Variants in CACNA2D1 observed in about 807,000 individuals in gnomAD.
CACNA2D1 encodes voltage-dependent calcium channel subunit alpha-2/delta-1.
A neutral mutation model predicts 171.5 loss-of-function variants in CACNA2D1; 53 were observed. That is an observed-to-expected ratio of 0.31 (90% CI 0.25 to 0.39). The LOEUF is 0.39. Ranked by LOEUF, CACNA2D1 falls within the 10% of genes least tolerant of loss-of-function variation. The pLI is 1.00. For missense variants in CACNA2D1, 903 were observed against 1,299.8 expected (o/e 0.69, Z 4.69); for synonymous variants, 442 against 443.1 (o/e 1.00, Z 0.03).
chr7:81,970,830 G>T, intron 26 of CACNA2D1, 93 bp from the exon 27 acceptor site: 1 of 779,656 alleles, frequency 1.3e-6, no homozygotes. Context: ...GTAAGTTTAG[G>T]AAGTAAAGGA....
intron 3 of CACNA2D1, among the ~76,000 whole-genome samples, chr7:82,325,455 G>T (rs2129441808): frequency 6.6e-6 from 1 of 150,842 alleles, no homozygotes; most frequent in Non-Finnish European, 1.5e-5. Flanking sequence ...GCCCAGTAGA[G>T]CATTAATATG....
At chr7:82,205,298 T>C (rs906887437) in intron 3 of CACNA2D1, among the ~76,000 whole-genome samples, 4 of 152,176 alleles carry the variant, frequency 2.6e-5, no homozygotes, top group African/African-American at 9.7e-5. Context: ...AATCATATAT[T>C]TGCAATGTGT....
chr7:82,342,497 A>C (rs1013539086), intron 2 of CACNA2D1, among the ~76,000 whole-genome samples: 5 of 152,184 alleles, frequency 3.3e-5, no homozygotes, highest in African/African-American at 9.7e-5. Flanking sequence ...TTTATTTTAA[A>C]CCTAAAAAAA....
At chr7:82,168,560 T>G (rs1338189556) in intron 4 of CACNA2D1, among the ~76,000 whole-genome samples, 1 of 152,124 alleles carries the variant, frequency 6.6e-6, no homozygotes, top group African/African-American at 2.4e-5. Flanking sequence ...GTTTTTGTAT[T>G]GTGTTTGTGT....
chr7:82,132,534 A>T (rs558697908), intron 5 of CACNA2D1, among the ~76,000 whole-genome samples: 1 of 152,302 alleles, frequency 6.6e-6, no homozygotes, highest in Admixed American at 6.5e-5. Context: ...GGCAAAGGGC[A>T]TGTCTCCCAT....
At chr7:82,308,265 T>TGGA (rs1813981300) in intron 3 of CACNA2D1, among the ~76,000 whole-genome samples, 1 of 152,250 alleles carries the variant, frequency 6.6e-6, no homozygotes, top group East Asian at 1.9e-4. Context: ...CCATATTTCT[T>TGGA]CCATTGGGTC....
chr7:82,096,023 T>G (rs1035674002), intron 6 of CACNA2D1, among the ~76,000 whole-genome samples: 5 of 152,220 alleles, frequency 3.3e-5, no homozygotes, highest in Admixed American at 6.5e-5. Context: ...TATTTCCCAA[T>G]GTATGTGCTT....
intron 6 of CACNA2D1, among the ~76,000 whole-genome samples, chr7:82,098,246 G>A (rs1175198842): frequency 6.6e-5 from 10 of 152,182 alleles, no homozygotes; most frequent in Non-Finnish European, 2.9e-5. Flanking sequence ...ATTAAAAAGT[G>A]ATCAGTGACT....
chr7:82,039,459 G>C (rs1412152992), intron 10 of CACNA2D1, among the ~76,000 whole-genome samples: 2 of 152,078 alleles, frequency 1.3e-5, no homozygotes, highest in African/African-American at 4.8e-5. Flanking sequence ...ACTATGTGCT[G>C]CATTTACTAC....
chr7:82,130,819 C>G (rs1290278767), intron 5 of CACNA2D1, among the ~76,000 whole-genome samples: 4 of 115,656 alleles, frequency 3.5e-5, no homozygotes, highest in African/African-American at 1.4e-4. Flanking sequence ...TTTTTTGAGA[C>G]AGAGTCTCGC....
intron 1 of CACNA2D1, among the ~76,000 whole-genome samples, chr7:82,370,576 T>TGGATGGATGGACGGAC (rs1822289353): frequency 6.6e-6 from 1 of 151,778 alleles, no homozygotes; most frequent in African/African-American, 2.4e-5. Flanking sequence ...GATGGATGGA[T>TGGATGGATGGACGGAC]GGATAGAAAT....
chr7:82,328,052 C>T (rs994275498), intron 3 of CACNA2D1, among the ~76,000 whole-genome samples: 7 of 152,132 alleles, frequency 4.6e-5, no homozygotes, highest in African/African-American at 1.7e-4. Flanking sequence ...GTTTGTGCCC[C>T]TTGATGCCGT....
chr7:81,985,385 G>C (rs542536328), intron 21 of CACNA2D1, among the ~76,000 whole-genome samples: 32 of 151,840 alleles, frequency 2.1e-4, no homozygotes, highest in Non-Finnish European at 3.7e-4. Context: ...TATTTTAGTA[G>C]AGACAGGGTT....
intron 6 of CACNA2D1, among the ~76,000 whole-genome samples, chr7:82,109,082 G>C (rs1203024193): frequency 6.6e-6 from 1 of 151,642 alleles, no homozygotes; most frequent in African/African-American, 2.4e-5. Context: ...CTCTTTAAAA[G>C]AAAAAAGGAA....
At chr7:82,066,287 G>A (rs542455684) in intron 8 of CACNA2D1, among the ~76,000 whole-genome samples, 168 bp downstream of exon 8, 11 of 152,020 alleles carry the variant, frequency 7.2e-5, no homozygotes, top group African/African-American at 2.7e-4. Flanking sequence ...TTACCCACTT[G>A]AACTCATCAT....
At chr7:82,332,532 AAGAAAGAAAGAAAG>A (rs1817463571) in intron 3 of CACNA2D1, among the ~76,000 whole-genome samples, 1 of 67,210 alleles carries the variant, frequency 1.5e-5, no homozygotes, top group African/African-American at 4.2e-5. Flanking sequence ...GAAAGAAAGA[AAGAAAGAAAGAAAG>A]AAAGAAAGAA....
At chr7:82,323,780 A>T (rs1816291929) in intron 3 of CACNA2D1, among the ~76,000 whole-genome samples, 1 of 152,196 alleles carries the variant, frequency 6.6e-6, no homozygotes. Context: ...TTTACATTAG[A>T]TAGTGCTTTC....
At chr7:82,330,964 T>C (rs1039054251) in intron 3 of CACNA2D1, among the ~76,000 whole-genome samples, 14 of 152,120 alleles carry the variant, frequency 9.2e-5, no homozygotes, top group Non-Finnish European at 5.9e-5. Flanking sequence ...CATTACCTTA[T>C]GCTTGGTGGC....
At chr7:82,146,402 A>G (rs1316397525) in intron 4 of CACNA2D1, among the ~76,000 whole-genome samples, 1 of 145,794 alleles carries the variant, frequency 6.9e-6, no homozygotes, top group Non-Finnish European at 1.5e-5. Flanking sequence ...ATATAAAGAT[A>G]TATATTTATA....
Sources: allele counts gnomAD v4.1 joint callset (sites outside exome capture counted in the v4.1 genomes callset), GRCh38; gene constraint gnomAD v4.1.1; transcripts MANE v1.5; gene names NCBI Gene and HGNC (gene_info 2026-07-23, HGNC 2026-07-21).